ZDHHC14: variants seen among roughly 807,000 people sequenced by gnomAD.
ZDHHC14 encodes zDHHC palmitoyltransferase 14.
ZDHHC14 carries 16 observed loss-of-function variants against 47.7 expected under a neutral mutation model. That is an observed-to-expected ratio of 0.34 (90% confidence interval 0.23 to 0.51). The LOEUF (loss-of-function observed/expected upper bound fraction) is 0.51. Ranked by LOEUF, ZDHHC14 falls within the 20% of genes least tolerant of loss-of-function variation. The pLI is 0.97. For synonymous variants in ZDHHC14, 293 were observed against 278.9 expected (o/e 1.05, Z -0.50); for missense variants, 515 against 662.5 (o/e 0.78, Z 2.44).
chr6:157,405,018 C>A (rs1355933656), intron 1 of ZDHHC14, among the ~76,000 whole-genome samples: 1 of 152,124 alleles, frequency 6.6e-6, no homozygotes, highest in Non-Finnish European at 1.5e-5. Flanking sequence ...TACAGGGATG[C>A]CTTCAGAAGT....
chr6:157,538,280 C>T (rs768605808), intron 1 of ZDHHC14, among the ~76,000 whole-genome samples: 7 of 152,162 alleles, frequency 4.6e-5, no homozygotes, highest in Non-Finnish European at 5.9e-5. Context: ...GAGGCACACT[C>T]GGCTCAGCGA....
At chr6:157,421,391 G>A (rs887398277) in intron 1 of ZDHHC14, among the ~76,000 whole-genome samples, 3 of 150,856 alleles carry the variant, frequency 2.0e-5, no homozygotes, top group African/African-American at 7.3e-5. Context: ...ATTCGGAGGG[G>A]CTGAGGCAGG....
chr6:157,512,655 C>A (rs1434692490), intron 1 of ZDHHC14, among the ~76,000 whole-genome samples: 2 of 151,676 alleles, frequency 1.3e-5, no homozygotes. Flanking sequence ...CCTGCCTGGG[C>A]AACATAGCAA....
chr6:157,594,257 G>A (rs1784029058), intron 3 of ZDHHC14, among the ~76,000 whole-genome samples: 2 of 152,186 alleles, frequency 1.3e-5, no homozygotes, highest in Admixed American at 1.3e-4. Context: ...TTGCCACAAA[G>A]CTCATGTTTT....
At position 157,676,883 on chromosome 6, in the gene ZDHHC14, C is replaced by T. The variant is rs910588607; in HGVS notation, c.*3761C>T. 13 of 152,242 alleles carry T rather than the reference C, an allele frequency of 8.5e-5. No individual in the cohort carries two copies. Among genetic ancestry groups the T allele is most frequent in the African/African-American group, 3.1e-4 (13 of 41,450 alleles). The allele number at this position is 152,242 out of a possible 1,614,324, so 9.4% of individuals were successfully genotyped here. A position where few individuals can be genotyped will look rare whatever the true frequency, so the allele number is the denominator to read the frequency against. On this transcript the variant is annotated 3_prime_UTR_variant, in exon 9 of 9. Coordinates refer to ENST00000359775, the MANE Select transcript of ZDHHC14 (RefSeq NM_024630.3). ...CCTCGGCTTAGGGTCTTAAGTTCACCAGAAGGGATCGGGGTTTGCGTTGAT... is the reference window on the plus strand; with the variant it reads ...CCTCGGCTTAGGGTCTTAAGTTCACTAGAAGGGATCGGGGTTTGCGTTGAT...
intron 3 of ZDHHC14, among the ~76,000 whole-genome samples, chr6:157,616,615 C>T (rs1224579118): frequency 1.3e-5 from 2 of 152,078 alleles, no homozygotes; most frequent in Admixed American, 6.5e-5. Flanking sequence ...GAGTGTGTAC[C>T]GTAGACCAGA....
Position 157,645,805 on chromosome 6 carries a change from A to G in ZDHHC14, c.821A>G (p.Tyr274Cys). The G allele has an allele frequency of 6.2e-7, 1 of 1,614,100 alleles. No individual in the cohort carries two copies. Among genetic ancestry groups the G allele is most frequent in the Non-Finnish European group, 8.5e-7 (1 of 1,180,010 alleles). Residue 274 changes from tyrosine to cysteine, a missense_variant, in exon 6 of 9, where the codon TAC becomes TGC. Tyr to Cys is a radical substitution (Grantham distance 194). This residue lies in a region of ZDHHC14 where 229 missense variants were observed against 351.5 expected (regional missense o/e 0.65). Transcript: ENST00000359775. ...SIVGLSGFHT[Y>C]LISSNQTTNE... ...GTTGGCCTCTCAGGATTCCACACCT[A>G]CTTGATCAGCTCCAACCAGACAACA...
intron 7 of ZDHHC14, among the ~76,000 whole-genome samples, chr6:157,648,011 T>C (rs1777644833): frequency 6.6e-6 from 1 of 152,162 alleles, no homozygotes; most frequent in Non-Finnish European, 1.5e-5. Context: ...GTTTAAATAA[T>C]GTGCCCAAGA....
chr6:157,518,212 T>C (rs1780771678), intron 1 of ZDHHC14, among the ~76,000 whole-genome samples: 2 of 151,978 alleles, frequency 1.3e-5, no homozygotes, highest in South Asian at 2.1e-4. Flanking sequence ...TAAAGAATCA[T>C]GCACTATGAA....
chr6:157,619,935 G>A (rs1785119859), intron 3 of ZDHHC14, among the ~76,000 whole-genome samples: 1 of 152,132 alleles, frequency 6.6e-6, no homozygotes, highest in Non-Finnish European at 1.5e-5. Context: ...ATAGTTTAAG[G>A]ACACAGAATT....
Position 157,673,239 on chromosome 6 carries a change from C to T in ZDHHC14, c.*117C>T. 1 of 1,383,470 alleles carries T rather than the reference C, an allele frequency of 7.2e-7. No individual in the cohort carries two copies. 85.7% of individuals were successfully genotyped at this position (1,383,470 alleles called of 1,614,324 possible). The stretch of plus-strand genomic sequence containing the variant: ...CAATGCCACGGTGGAGATGACAGCC[C>T]CAGGTCTGGGGTACAGAGACCACTT... On this transcript the variant is annotated 3_prime_UTR_variant, in exon 9 of 9. Coordinates refer to ENST00000359775, the MANE Select transcript of ZDHHC14 (RefSeq NM_024630.3). The surrounding 1 kb of genome is among the most constrained non-coding windows in gnomAD (Gnocchi z 5.4).
intron 1 of ZDHHC14, among the ~76,000 whole-genome samples, chr6:157,466,527 C>T (rs752936633): frequency 9.9e-5 from 15 of 152,178 alleles, no homozygotes; most frequent in Non-Finnish European, 1.8e-4. Flanking sequence ...AAGACAATTT[C>T]AACTAAAATT....
At chr6:157,449,509 G>T (rs964090223) in intron 1 of ZDHHC14, among the ~76,000 whole-genome samples, 8 of 152,156 alleles carry the variant, frequency 5.3e-5, no homozygotes, top group Non-Finnish European at 8.8e-5. Context: ...CTGTCCCCCT[G>T]ACATCATCTC....
chr6:157,592,391 C>T lies in ZDHHC14; in HGVS notation c.407-597C>T, dbSNP rs896336586. On this transcript the variant is annotated intron_variant, in intron 2 of 8. Coordinates refer to ENST00000359775, the MANE Select transcript of ZDHHC14 (RefSeq NM_024630.3). ...GTATTTTTTACAATCTGGTTTCTCC[C>T]CCTCCCATTCTATACTTGGCATTTT... Among the ~76,000 whole-genome samples, 7 of 152,146 alleles carry T rather than the reference C, an allele frequency of 4.6e-5. No individual in the cohort carries two copies. In the East Asian group the frequency reaches 1.4e-3, roughly 29 times the overall value.
Position 157,674,037 on chromosome 6 carries a change from C to T in ZDHHC14, c.*915C>T, listed in dbSNP as rs1455805183. 1 of 152,594 alleles carries T rather than the reference C, an allele frequency of 6.6e-6. No homozygotes were observed. The highest frequency in any genetic ancestry group is 1.9e-4 in the East Asian group (1 of 5,204). The allele number at this position is 152,594 out of a possible 1,614,324, so 9.5% of individuals were successfully genotyped here. A position where few individuals can be genotyped will look rare whatever the true frequency, so the allele number is the denominator to read the frequency against. On this transcript the variant is annotated 3_prime_UTR_variant, in exon 9 of 9. Coordinates refer to ENST00000359775, the MANE Select transcript of ZDHHC14 (RefSeq NM_024630.3). Reference sequence around the variant, plus strand: ...TGAAATGTCCCTAGCGAGGAATGGTCCCCAGACAACCAAAAGTCAAATCTT... The same window carrying T: ...TGAAATGTCCCTAGCGAGGAATGGTTCCCAGACAACCAAAAGTCAAATCTT...
intron 1 of ZDHHC14, among the ~76,000 whole-genome samples, chr6:157,385,627 G>A (rs1289502205): frequency 6.6e-6 from 1 of 152,228 alleles, no homozygotes; most frequent in Non-Finnish European, 1.5e-5. Context: ...AACAGGTGTT[G>A]ATACAGTCTT....
At chr6:157,648,521 T>C (rs1050671925) in intron 7 of ZDHHC14, among the ~76,000 whole-genome samples, 2 of 151,856 alleles carry the variant, frequency 1.3e-5, no homozygotes, top group East Asian at 3.9e-4. Context: ...GTGGTGCTAC[T>C]GCAAAACTAG....
chr6:157,536,819 C>CTTTTTTTTT (rs768063106), intron 1 of ZDHHC14, among the ~76,000 whole-genome samples: 1 of 97,998 alleles, frequency 1.0e-5, no homozygotes, highest in African/African-American at 6.4e-5. Flanking sequence ...CTCCATCTAT[C>CTTTTTTTTT]TTTTTTTTTT....
In ZDHHC14 at chr6:157,593,085, C is replaced by T. The variant is rs146988666; in HGVS notation, c.504C>T (p.Phe168=). Residue 168 remains phenylalanine, a synonymous_variant, in exon 3 of 9, where the codon TTC becomes TTT. Coordinates refer to ENST00000359775, the MANE Select transcript of ZDHHC14 (RefSeq NM_024630.3). ...AGACCGTGAAACTTAAATACTGTTT[C>T]ACCTGCAAGATTTTCCGGCCCCCTC... is the stretch of plus-strand genomic sequence containing the variant. ...NGQTVKLKYC[F]TCKIFRPPRA... 1,012 of 1,614,194 alleles carry T rather than the reference C, an allele frequency of 6.3e-4. 17 individuals are homozygous for T. In the East Asian group the frequency reaches 0.022, roughly 34 times the overall value.
Sources: gnomAD v4.1 joint callset for allele counts (sites outside exome capture counted in the v4.1 genomes callset) on GRCh38, gnomAD v4.1.1 for gene constraint, gnomAD v4.1.1 regional missense constraint, Gnocchi (gnomAD v3.1) non-coding constraint, MANE v1.5 for transcripts, NCBI Gene and HGNC (gene_info 2026-07-23, HGNC 2026-07-21) for gene names.